The following SV2C variants were observed in gnomAD, a reference collection of about 807,000 sequenced individuals.
The protein encoded by SV2C is synaptic vesicle glycoprotein 2C.
Under a neutral mutation model 79.7 loss-of-function variants are expected in SV2C, and 49 were observed. The ratio of observed to expected loss-of-function variants is 0.61; its 90% CI spans 0.49 to 0.78. The LOEUF (loss-of-function observed/expected upper bound fraction) is 0.78, where lower values mean the gene tolerates loss of function less well. Among genes scored for constraint, SV2C ranks in the 30% least tolerant of loss-of-function variants. SV2C has a pLI of 0.00. For missense variants in SV2C, 833 were observed against 912.9 expected (o/e 0.91, Z 1.13); for synonymous variants, 334 against 333.2 (o/e 1.00, Z -0.03).
At chr5:76,282,796 G>A (rs1338343717) in intron 4 of SV2C, among the ~76,000 whole-genome samples, 2 of 152,118 alleles carry the variant, frequency 1.3e-5, no homozygotes, top group East Asian at 3.9e-4. Flanking sequence ...GATCACTTGA[G>A]GTCAGGAGTT....
intron 1 of SV2C, among the ~76,000 whole-genome samples, chr5:76,096,186 T>C (rs572860571): frequency 6.6e-5 from 10 of 152,314 alleles, no homozygotes; most frequent in East Asian, 5.8e-4. Flanking sequence ...TTTATGTTTA[T>C]ATTGCACTGG....
chr5:75,969,159 A>G, the SV2C span, among the ~76,000 whole-genome samples: 2 of 152,208 alleles, frequency 1.3e-5, no homozygotes, highest in African/African-American at 2.4e-5. Flanking sequence ...CTGCCCTAAA[A>G]AAGCTCCTGA....
At chr5:76,336,237 T>C (rs1749322750), downstream of SV2C, among the ~76,000 whole-genome samples, 2 of 143,914 alleles carry the variant, frequency 1.4e-5, no homozygotes, top group Admixed American at 6.9e-5. Flanking sequence ...GCGGAGGGGC[T>C]CCTCACTTCT....
intron 12 of SV2C, among the ~76,000 whole-genome samples, chr5:76,302,113 C>T (rs1333175318): frequency 6.6e-6 from 1 of 152,114 alleles, no homozygotes; most frequent in Non-Finnish European, 1.5e-5. Flanking sequence ...TGTAGGCTAA[C>T]AATATGAGGA....
rs1423771754 is a variant in SV2C, at chr5:76,172,996, T to C, written c.581-21923T>C. On this transcript the variant is annotated intron_variant, in intron 2 of 12. Transcript: ENST00000502798. Reference sequence around the variant, plus strand: ...TGACCTTCCCTCCACTATTGTCCCATGACCCTGCCAAATCCCCCTCTGTGA... The same window carrying C: ...TGACCTTCCCTCCACTATTGTCCCACGACCCTGCCAAATCCCCCTCTGTGA... Among the ~76,000 whole-genome samples the C allele has an allele frequency of 1.0e-4, 13 of 125,410 alleles. 1 individual carries two copies. The highest frequency in any genetic ancestry group is 3.8e-4 in the African/African-American group (13 of 33,812). The allele number at this position is 125,410 out of a possible 152,430, so 82.3% of individuals were successfully genotyped here.
intron 4 of SV2C, among the ~76,000 whole-genome samples, chr5:76,226,963 G>A (rs78312720): frequency 0.35 from 53,002 of 151,538 alleles, 9,503 homozygotes; most frequent in African/African-American, 0.41. Context: ...AAGAGTTCCA[G>A]GGACCAGAGA....
chr5:76,065,365 ATC>A, the SV2C span, among the ~76,000 whole-genome samples: 1 of 152,204 alleles, frequency 6.6e-6, no homozygotes, highest in Non-Finnish European at 1.5e-5. Context: ...AAGTCTAAAT[ATC>A]TGTCAGAAGG....
the SV2C span, among the ~76,000 whole-genome samples, chr5:75,943,108 C>G: frequency 6.6e-6 from 1 of 152,182 alleles, no homozygotes; most frequent in African/African-American, 2.4e-5. Context: ...TAGCATTAAG[C>G]ACTCTCTGAG....
At chr5:75,897,307 C>T in the SV2C span, among the ~76,000 whole-genome samples, 639 of 151,984 alleles carry the variant, frequency 4.2e-3, 3 homozygotes, top group Non-Finnish European at 7.0e-3. Context: ...TTTCCCAGCA[C>T]CATTTATTAA....
chr5:76,020,663 A>G, the SV2C span, among the ~76,000 whole-genome samples: 2 of 152,118 alleles, frequency 1.3e-5, no homozygotes, highest in African/African-American at 2.4e-5. Flanking sequence ...AAACAAGCCC[A>G]TTCTTCCTTC....
At chr5:75,967,695 C>T in the SV2C span, among the ~76,000 whole-genome samples, 2 of 152,232 alleles carry the variant, frequency 1.3e-5, no homozygotes, top group African/African-American at 4.8e-5. Context: ...GGGTGGACCC[C>T]ACCACAGATC....
chr5:76,091,074 A>G (rs1747359690), intron 1 of SV2C, among the ~76,000 whole-genome samples: 1 of 152,216 alleles, frequency 6.6e-6, no homozygotes, highest in Non-Finnish European at 1.5e-5. Context: ...TAATAAATCC[A>G]TGGAGCCATT....
chr5:75,915,860 G>A, the SV2C span, among the ~76,000 whole-genome samples: 1 of 152,170 alleles, frequency 6.6e-6, no homozygotes, highest in Non-Finnish European at 1.5e-5. Flanking sequence ...GGGGCAACTG[G>A]TCAAGGCAGG....
chr5:75,975,005 A>T, the SV2C span, among the ~76,000 whole-genome samples: 1 of 152,312 alleles, frequency 6.6e-6, no homozygotes, highest in African/African-American at 2.4e-5. Context: ...GCTCTTAACT[A>T]TTATAGCATG....
At chr5:76,093,790 A>G (rs548504293) in intron 1 of SV2C, among the ~76,000 whole-genome samples, 2 of 133,550 alleles carry the variant, frequency 1.5e-5, no homozygotes, top group Admixed American at 7.6e-5. Context: ...ATTGGAGAAC[A>G]CTGGGCTCTT....
chr5:76,178,199 G>A (rs1743601474), intron 2 of SV2C, among the ~76,000 whole-genome samples: 1 of 152,030 alleles, frequency 6.6e-6, no homozygotes, highest in African/African-American at 2.4e-5. Flanking sequence ...ACCTAATCTT[G>A]AAAGTCACAT....
At chr5:76,110,009 A>G (rs1366764414) in intron 1 of SV2C, among the ~76,000 whole-genome samples, 2 of 152,214 alleles carry the variant, frequency 1.3e-5, no homozygotes, top group Non-Finnish European at 2.9e-5. Flanking sequence ...TAGTGGTTAC[A>G]TTTCATTATG....
At chr5:75,871,146 G>T in the SV2C span, among the ~76,000 whole-genome samples, 1 of 152,166 alleles carries the variant, frequency 6.6e-6, no homozygotes, top group Non-Finnish European at 1.5e-5. Flanking sequence ...AAAAAGGTAT[G>T]TGATCATCTA....
chr5:76,324,848 T>C (rs1748939732), intron 12 of SV2C, among the ~76,000 whole-genome samples: 2 of 151,898 alleles, frequency 1.3e-5, no homozygotes, highest in Admixed American at 1.3e-4. Context: ...AGCAAGACCC[T>C]ATCTCTACAA....
Sources: gnomAD v4.1 joint callset for allele counts (sites outside exome capture counted in the v4.1 genomes callset) on GRCh38, gnomAD v4.1.1 for gene constraint, MANE v1.5 for transcripts, NCBI Gene and HGNC (gene_info 2026-07-23, HGNC 2026-07-21) for gene names.